The following MEGF11 variants were observed in gnomAD, a reference collection of about 807,000 sequenced individuals.
MEGF11 encodes the protein multiple EGF like domains 11.
Under a neutral mutation model 146.6 loss-of-function variants are expected in MEGF11, and 126 were observed. The observed-to-expected ratio is 0.86, with a 90% CI of 0.74 to 1.00. The LOEUF (loss-of-function observed/expected upper bound fraction) is 1.00, where lower values mean the gene tolerates loss of function less well. Among genes scored for constraint, MEGF11 ranks in the 50% least tolerant of loss-of-function variants. The pLI is 0.00. For missense variants in MEGF11, 1,509 were observed against 1,521.2 expected, an observed-to-expected ratio of 0.99 and a Z score of 0.13; for synonymous variants, 532 against 583.4, an observed-to-expected ratio of 0.91 and a Z score of 1.27.
Position 65,898,062 on chromosome 15 carries a change from C to T in MEGF11, c.3295G>A (p.Gly1099Ser), listed in dbSNP as rs754335032. 61 of 1,613,536 alleles carry T rather than the reference C, an allele frequency of 3.8e-5. No homozygotes were observed. The highest frequency in any genetic ancestry group is 2.2e-4 in the Admixed American group (13 of 59,992). The change falls in exon 26 of 26, where the codon GGT becomes AGT. Residue 1099 changes from glycine to serine, a missense_variant. Coordinates refer to ENST00000395614, the MANE Select transcript of MEGF11 (RefSeq NM_001385028.1). ...PTVSVVQEGC[G>S]HNSSYIQNAY... ...TTCTGGATATAGCTGGAGTTATGAC[C>T]GCAACCTTCTTGGACCACACTGACT...
chr15:66,055,460 C>T (rs1028705104), intron 5 of MEGF11, among the ~76,000 whole-genome samples: 2 of 152,190 alleles, frequency 1.3e-5, no homozygotes, highest in African/African-American at 2.4e-5. Context: ...CAGACGTGAT[C>T]CACAACATAA....
At chr15:66,175,749 A>G (rs2169634) in intron 1 of MEGF11, among the ~76,000 whole-genome samples, 151,753 of 152,320 alleles carry the variant, frequency 1, 75,596 homozygotes, top group Middle Eastern at 1. Flanking sequence ...ATACTGCAGC[A>G]TATTGATCTA....
intron 5 of MEGF11, among the ~76,000 whole-genome samples, chr15:66,036,109 C>T (rs752042862): frequency 6.6e-6 from 1 of 152,260 alleles, no homozygotes; most frequent in Non-Finnish European, 1.5e-5. Context: ...CAGGAGCTGG[C>T]ATCCCTGGGG....
intron 1 of MEGF11, among the ~76,000 whole-genome samples, chr15:66,138,625 A>C (rs11634278): frequency 2.0e-5 from 3 of 151,944 alleles, no homozygotes; most frequent in Non-Finnish European, 4.4e-5. Context: ...CAGCAAGCAC[A>C]GGGAGCCCTG....
intron 5 of MEGF11, among the ~76,000 whole-genome samples, chr15:66,035,214 T>C (rs536824717): frequency 3.9e-5 from 6 of 152,296 alleles, no homozygotes; most frequent in African/African-American, 1.4e-4. Context: ...ATAAGTAGTA[T>C]TACAGTAGTT....
chr15:66,138,362 G>A (rs1239707525), intron 1 of MEGF11, among the ~76,000 whole-genome samples: 4 of 152,208 alleles, frequency 2.6e-5, no homozygotes, highest in Non-Finnish European at 5.9e-5. Context: ...GTATACTCAT[G>A]CTATGATGAA....
intron 4 of MEGF11, among the ~76,000 whole-genome samples, chr15:66,101,600 G>T (rs933178968): frequency 1.3e-5 from 2 of 152,092 alleles, no homozygotes; most frequent in African/African-American, 4.8e-5. Flanking sequence ...GCAAAGAATG[G>T]GCTATGTCCC....
intron 3 of MEGF11, among the ~76,000 whole-genome samples, chr15:66,122,875 C>T (rs558068377): frequency 8.5e-5 from 13 of 152,220 alleles, no homozygotes; most frequent in African/African-American, 2.2e-4. Context: ...ACCTGAATGG[C>T]GGAGTTCATG....
chr15:66,005,004 T>C (rs529673205), intron 5 of MEGF11, among the ~76,000 whole-genome samples: 3 of 152,290 alleles, frequency 2.0e-5, no homozygotes, highest in South Asian at 2.1e-4. Flanking sequence ...GGTGGATCGC[T>C]TGAGCCCAGG....
intron 5 of MEGF11, among the ~76,000 whole-genome samples, chr15:65,997,348 A>G (rs1424800460): frequency 6.6e-6 from 1 of 152,216 alleles, no homozygotes; most frequent in Non-Finnish European, 1.5e-5. Context: ...CATTCACTCA[A>G]CAAGACTTGA....
At chr15:66,156,291 C>G (rs1466119786) in intron 1 of MEGF11, among the ~76,000 whole-genome samples, 1 of 152,096 alleles carries the variant, frequency 6.6e-6, no homozygotes, top group Admixed American at 6.5e-5. Flanking sequence ...CTCCCACCAC[C>G]TTTCCACACC....
At chr15:65,990,246 G>A (rs2081987338) in intron 5 of MEGF11, among the ~76,000 whole-genome samples, 1 of 152,014 alleles carries the variant, frequency 6.6e-6, no homozygotes, top group African/African-American at 2.4e-5. Flanking sequence ...AAATGCCAAA[G>A]ATGTCCCCAT....
chr15:65,970,721 G>A (rs768260552), intron 7 of MEGF11, 32 bp from the exon 8 acceptor site: 2 of 1,585,854 alleles, frequency 1.3e-6, no homozygotes, highest in Admixed American at 1.8e-5. Flanking sequence ...ATGCATGGCG[G>A]TGCTCCAGAA....
At chr15:65,907,111 A>G (rs111247682) in intron 23 of MEGF11, among the ~76,000 whole-genome samples, 72 of 152,304 alleles carry the variant, frequency 4.7e-4, no homozygotes, top group African/African-American at 1.6e-3. Context: ...ACTAAAATAC[A>G]GTTTGACTCT....
intron 5 of MEGF11, among the ~76,000 whole-genome samples, chr15:66,036,677 T>C (rs1211831491): frequency 1.3e-5 from 2 of 152,028 alleles, no homozygotes; most frequent in African/African-American, 2.4e-5. Context: ...CCCTGGAAAG[T>C]AGAGGAAGGA....
At chr15:66,138,756 A>G (rs575137526) in intron 1 of MEGF11, among the ~76,000 whole-genome samples, 2 of 152,186 alleles carry the variant, frequency 1.3e-5, no homozygotes, top group Non-Finnish European at 2.9e-5. Flanking sequence ...GGGGTTAGTA[A>G]TAAACCTGAC....
chr15:66,041,304 T>C (rs1376473773), intron 5 of MEGF11, among the ~76,000 whole-genome samples: 1 of 152,196 alleles, frequency 6.6e-6, no homozygotes, highest in Non-Finnish European at 1.5e-5. Context: ...AAATGCAAGC[T>C]CTCTGCCTTA....
At chr15:66,167,682 CAAAA>C (rs1567270289) in intron 1 of MEGF11, among the ~76,000 whole-genome samples, 1 of 140,506 alleles carries the variant, frequency 7.1e-6, no homozygotes, top group Non-Finnish European at 1.6e-5. Flanking sequence ...AACAAACAAA[CAAAA>C]AAGAAGGCCC....
At chr15:66,169,833 C>A (rs1236682405) in intron 1 of MEGF11, among the ~76,000 whole-genome samples, 1 of 152,208 alleles carries the variant, frequency 6.6e-6, no homozygotes, top group Non-Finnish European at 1.5e-5. Flanking sequence ...ACCGCGGCAG[C>A]CGGACCATCC....
Sources: gnomAD v4.1 joint callset for allele counts (sites outside exome capture counted in the v4.1 genomes callset) on GRCh38, gnomAD v4.1.1 for gene constraint, MANE v1.5 for transcripts, NCBI Gene and HGNC (gene_info 2026-07-23, HGNC 2026-07-21) for gene names.